Variants in TYW1B observed in about 807,000 individuals in gnomAD.
TYW1B encodes tRNA-yW synthesizing protein 1 homolog B.
Under a neutral mutation model 86.9 loss-of-function variants are expected in TYW1B, and 73 were observed. The observed-to-expected ratio is 0.84, with a 90% CI of 0.70 to 1.02. The LOEUF (loss-of-function observed/expected upper bound fraction) is 1.02. Ranked by LOEUF, TYW1B falls within the 50% of genes least tolerant of loss-of-function variation. The pLI is 0.00. For missense variants in TYW1B, 637 were observed against 827.4 expected (o/e 0.77, Z 2.82); for synonymous variants, 248 against 292.8 (o/e 0.85, Z 1.56).
intron 5 of TYW1B, among the ~76,000 whole-genome samples, chr7:72,803,543 G>A (rs1331567418): frequency 3.9e-5 from 6 of 152,122 alleles, no homozygotes; most frequent in Admixed American, 2.0e-4. Flanking sequence ...AAGAAATCAC[G>A]GCTAATACGT....
intron 11 of TYW1B, among the ~76,000 whole-genome samples, chr7:72,661,135 C>CAA (rs1300929929): frequency 1.8e-5 from 2 of 108,236 alleles, no homozygotes; most frequent in South Asian, 6.1e-4. Context: ...ACTCTGTCTC[C>CAA]AAAAAAAAAA....
At chr7:72,649,651 A>G (rs1813013596) in intron 11 of TYW1B, among the ~76,000 whole-genome samples, 1 of 152,180 alleles carries the variant, frequency 6.6e-6, no homozygotes, top group South Asian at 2.1e-4. Flanking sequence ...TATGAGAAGG[A>G]TATTTAAGAC....
At chr7:72,637,274 G>A (rs1812693130) in intron 11 of TYW1B, among the ~76,000 whole-genome samples, 1 of 151,712 alleles carries the variant, frequency 6.6e-6, no homozygotes, top group African/African-American at 2.4e-5. Flanking sequence ...TGGGCCTGGA[G>A]TTTCCTTTGG....
rs1202549381 is a variant in TYW1B, at chr7:72,675,562, C to T, written c.1506+19125G>A. ...CAGTATATATATATATATATACACA[C>T]ATATATATATACACACACACATATA... is the stretch of plus-strand genomic sequence containing the variant. On this transcript the variant is annotated intron_variant, in intron 11 of 13. Coordinates refer to ENST00000620995, the MANE Select transcript of TYW1B (RefSeq NM_001145440.3). Among the ~76,000 whole-genome samples the T allele has an allele frequency of 1.8e-3, 188 of 102,550 alleles. 4 individuals are homozygous for T. The East Asian group carries it at 0.044, about 24-fold the overall frequency. 67.3% of individuals were successfully genotyped at this position (102,550 alleles called of 152,430 possible).
chr7:72,678,586 C>T lies in TYW1B; in HGVS notation c.1506+16101G>A, dbSNP rs185419521. 6.5e-3 allele frequency among the ~76,000 whole-genome samples: 965 copies of T among 149,318 alleles called. 3 individuals carry two copies. The highest frequency in any genetic ancestry group is 0.023 in the African/African-American group (941 of 40,666). ...CAAAACCTAAAACCCTGACAATGGCCAGGCATGGTGGCTCACACCTGTAAT... is the reference window on the plus strand; with the variant it reads ...CAAAACCTAAAACCCTGACAATGGCTAGGCATGGTGGCTCACACCTGTAAT... On this transcript the variant is annotated intron_variant, in intron 11 of 13. Coordinates refer to ENST00000620995, the MANE Select transcript of TYW1B (RefSeq NM_001145440.3).
At chr7:72,769,269 G>A in intron 7 of TYW1B, 1 of 190,832 alleles carries the variant, frequency 5.2e-6, no homozygotes, top group Non-Finnish European at 1.1e-5. Flanking sequence ...TTGTGCATAT[G>A]TATGTGTCTT....
chr7:72,582,995 G>A (rs748053048), intron 13 of TYW1B, among the ~76,000 whole-genome samples: 1 of 152,166 alleles, frequency 6.6e-6, no homozygotes, highest in Non-Finnish European at 1.5e-5. Flanking sequence ...TTAGGAGGGT[G>A]GGGGAATGGG....
intron 11 of TYW1B, among the ~76,000 whole-genome samples, chr7:72,677,314 AT>A (rs536089405): frequency 2.2e-3 from 319 of 143,156 alleles, no homozygotes; most frequent in Middle Eastern, 3.6e-3. Flanking sequence ...CACCTGGTTG[AT>A]TTTTTTTTTT....
intron 11 of TYW1B, among the ~76,000 whole-genome samples, chr7:72,638,740 T>C (rs1223552891): frequency 1.3e-5 from 2 of 152,248 alleles, no homozygotes; most frequent in Non-Finnish European, 1.5e-5. Context: ...AGAGATAGCA[T>C]GATTATCTAT....
chr7:72,585,392 T>A (rs144419672), intron 13 of TYW1B, among the ~76,000 whole-genome samples: 1 of 152,180 alleles, frequency 6.6e-6, no homozygotes. Flanking sequence ...AGCATCAACA[T>A]TGGAGGTGGT....
intron 13 of TYW1B, among the ~76,000 whole-genome samples, chr7:72,606,506 C>T (rs139809398): frequency 0.1 from 15,682 of 151,846 alleles, 803 homozygotes; most frequent in African/African-American, 0.12. Context: ...ACTTTCACTC[C>T]ACCTAGCAGT....
intron 11 of TYW1B, among the ~76,000 whole-genome samples, chr7:72,673,746 AG>A (rs1554446822): frequency 6.6e-6 from 1 of 152,198 alleles, no homozygotes; most frequent in Non-Finnish European, 1.5e-5. Flanking sequence ...AAGTGACTAA[AG>A]GAGTATAATC....
At chr7:72,662,456 T>C (rs1458200389) in intron 11 of TYW1B, among the ~76,000 whole-genome samples, 2 of 151,960 alleles carry the variant, frequency 1.3e-5, no homozygotes, top group African/African-American at 2.4e-5. Flanking sequence ...GATAGATAGA[T>C]AGATAGATAG....
At chr7:72,630,685 TC>T (rs1812462688) in intron 11 of TYW1B, among the ~76,000 whole-genome samples, 1 of 152,178 alleles carries the variant, frequency 6.6e-6, no homozygotes, top group Admixed American at 6.5e-5. Context: ...ATTAATGTTT[TC>T]CAAGCATATT....
chr7:72,728,801 C>T, intron 9 of TYW1B, 21 bp downstream of exon 9: 1 of 1,603,544 alleles, frequency 6.2e-7, no homozygotes, highest in African/African-American at 1.3e-5. Context: ...TAGCATTCCT[C>T]TGTAGAGGGA....
At chr7:72,646,913 T>C (rs1446630700) in intron 11 of TYW1B, among the ~76,000 whole-genome samples, 3 of 152,222 alleles carry the variant, frequency 2.0e-5, no homozygotes, top group African/African-American at 7.2e-5. Flanking sequence ...TTTAAAAATA[T>C]ATAGTCATGA....
intron 11 of TYW1B, among the ~76,000 whole-genome samples, chr7:72,644,751 A>T (rs1812884138): frequency 6.6e-6 from 1 of 151,922 alleles, no homozygotes; most frequent in Non-Finnish European, 1.5e-5. Flanking sequence ...AAAATTACAG[A>T]CTTCAAAATG....
chr7:72,779,122 C>T (rs1554471192), intron 6 of TYW1B, among the ~76,000 whole-genome samples: 1 of 152,156 alleles, frequency 6.6e-6, no homozygotes, highest in Admixed American at 6.6e-5. Context: ...GCCCTACCAC[C>T]AAGCCCCAGC....
At chr7:72,795,684 G>A (rs1324202376) in intron 6 of TYW1B, among the ~76,000 whole-genome samples, 1 of 132,230 alleles carries the variant, frequency 7.6e-6, no homozygotes, top group Non-Finnish European at 1.6e-5. Context: ...AAACTAATAT[G>A]TGGGGGGTTT....
Sources: allele counts gnomAD v4.1 joint callset (sites outside exome capture counted in the v4.1 genomes callset), GRCh38; gene constraint gnomAD v4.1.1; transcripts MANE v1.5; gene names NCBI Gene and HGNC (gene_info 2026-07-23, HGNC 2026-07-21).